Variants in ADGRV1 observed in about 807,000 individuals in gnomAD.
ADGRV1 encodes adhesion G protein-coupled receptor V1.
In ADGRV1, 359 loss-of-function variants were observed where a neutral mutation model predicts 596.2. That is an observed-to-expected ratio of 0.60 (90% CI 0.55 to 0.66). The LOEUF (loss-of-function observed/expected upper bound fraction) is 0.66, where lower values mean the gene tolerates loss of function less well. Ranked by LOEUF, ADGRV1 falls within the 30% of genes least tolerant of loss-of-function variation. ADGRV1 has a pLI of 0.00. For missense variants in ADGRV1, 7,274 were observed against 7,575.6 expected (o/e 0.96, Z 1.48); for synonymous variants, 2,681 against 2,679.2 (o/e 1.00, Z -0.02).
intron 87 of ADGRV1, among the ~76,000 whole-genome samples, chr5:91,146,576 T>C (rs1406423420): frequency 6.6e-6 from 1 of 152,208 alleles, no homozygotes; most frequent in Non-Finnish European, 1.5e-5. Flanking sequence ...AGTGATTCTA[T>C]TTTCAAATGA....
chr5:90,784,308 A>G (rs1270458643), intron 67 of ADGRV1, among the ~76,000 whole-genome samples: 1 of 152,210 alleles, frequency 6.6e-6, no homozygotes, highest in African/African-American at 2.4e-5. Flanking sequence ...CATTAATTCA[A>G]CAAGTATTTG....
intron 86 of ADGRV1, among the ~76,000 whole-genome samples, chr5:91,081,031 C>T (rs553575699): frequency 2.5e-4 from 38 of 152,228 alleles, no homozygotes; most frequent in South Asian, 2.3e-3. Context: ...ACTGGGTGTC[C>T]TAAACAACAG....
At chr5:91,031,547 A>T (rs542688000) in intron 85 of ADGRV1, among the ~76,000 whole-genome samples, 1 of 152,324 alleles carries the variant, frequency 6.6e-6, no homozygotes, top group Admixed American at 6.5e-5. Flanking sequence ...ACCAGCTACT[A>T]GTGATTAAGA....
chr5:91,014,133 T>G (rs1022874219), intron 85 of ADGRV1, among the ~76,000 whole-genome samples: 1 of 21,838 alleles, frequency 4.6e-5, no homozygotes, highest in African/African-American at 2.8e-4. Flanking sequence ...CCATTCACAA[T>G]TGCCACACAC....
At chr5:90,676,442 C>A (rs1460120571) in intron 25 of ADGRV1, among the ~76,000 whole-genome samples, 1 of 151,956 alleles carries the variant, frequency 6.6e-6, no homozygotes, top group Non-Finnish European at 1.5e-5. Context: ...GATTGATAAT[C>A]CCTTTCTTGG....
chr5:90,679,992 A>G (rs1580710913), intron 26 of ADGRV1, among the ~76,000 whole-genome samples: 1 of 152,216 alleles, frequency 6.6e-6, no homozygotes, highest in Non-Finnish European at 1.5e-5. Flanking sequence ...AGAGGTCAAT[A>G]GAAAATTTGT....
intron 1 of ADGRV1, among the ~76,000 whole-genome samples, chr5:90,591,881 A>G (rs1025020690): frequency 1.3e-5 from 2 of 152,130 alleles, no homozygotes; most frequent in East Asian, 1.9e-4. Flanking sequence ...CCTCACAACT[A>G]CTCTTTGAGG....
At chr5:90,868,603 C>A (rs528668277) in intron 83 of ADGRV1, among the ~76,000 whole-genome samples, 8 of 150,642 alleles carry the variant, frequency 5.3e-5, no homozygotes, top group African/African-American at 1.9e-4. Context: ...TACCAAGATC[C>A]TGTAGGTGCC....
At chr5:90,890,094 T>C (rs541167799) in intron 83 of ADGRV1, among the ~76,000 whole-genome samples, 3 of 152,290 alleles carry the variant, frequency 2.0e-5, no homozygotes, top group African/African-American at 7.2e-5. Flanking sequence ...ATCCCTTTCT[T>C]TGTTTGATTC....
intron 87 of ADGRV1, among the ~76,000 whole-genome samples, chr5:91,147,776 G>A (rs4331933): frequency 0.61 from 93,236 of 152,078 alleles, 32,064 homozygotes; most frequent in Non-Finnish European, 0.76. Flanking sequence ...CCAAAAATGT[G>A]GAAGCGCCGT....
At chr5:90,582,158 A>G (rs1197853986) in intron 1 of ADGRV1, among the ~76,000 whole-genome samples, 1 of 141,464 alleles carries the variant, frequency 7.1e-6, no homozygotes, top group Non-Finnish European at 1.5e-5. Flanking sequence ...GAGAAGATGT[A>G]TATTCTGTGG....
intron 17 of ADGRV1, among the ~76,000 whole-genome samples, chr5:90,650,066 T>C (rs374976742): frequency 7.0e-4 from 76 of 108,782 alleles, no homozygotes; most frequent in African/African-American, 2.5e-3. Flanking sequence ...AATACATCCT[T>C]TCTTAGCTCT....
At chr5:91,113,266 A>G (rs1037532118) in intron 87 of ADGRV1, among the ~76,000 whole-genome samples, 3 of 152,168 alleles carry the variant, frequency 2.0e-5, no homozygotes, top group Non-Finnish European at 2.9e-5. Flanking sequence ...GGGGACTGCA[A>G]AAGAACTGGA....
chr5:91,020,265 G>A (rs960730981), intron 85 of ADGRV1, among the ~76,000 whole-genome samples: 1 of 151,966 alleles, frequency 6.6e-6, no homozygotes, highest in African/African-American at 2.4e-5. Context: ...AATCTAACAT[G>A]TGTCCGGTTC....
Position 90,610,174 on chromosome 5 carries a change from C to G in ADGRV1, c.23-4661C>G, listed in dbSNP as rs1762569160. Among the ~76,000 whole-genome samples the G allele has an allele frequency of 3.9e-5, 6 of 151,900 alleles. No homozygotes were observed. The South Asian group carries it at 1.2e-3, about 31-fold the overall frequency. On this transcript the variant is annotated intron_variant, in intron 1 of 89. Coordinates refer to ENST00000405460, the MANE Select transcript of ADGRV1 (RefSeq NM_032119.4). ...TTTGAGTCAAGATGGGAGGAAGGTA[C>G]TGTCCTAGATAAACAGGATTTAGAA... is the stretch of plus-strand genomic sequence containing the variant.
chr5:91,021,034 T>G (rs1783591421), intron 85 of ADGRV1, among the ~76,000 whole-genome samples: 2 of 152,090 alleles, frequency 1.3e-5, no homozygotes, highest in Admixed American at 1.3e-4. Context: ...TCTTAAGGCC[T>G]TTTTATATGT....
At position 90,692,689 on chromosome 5, in the gene ADGRV1, G is replaced by C. The variant is rs1746637792; in HGVS notation, c.7036G>C (p.Asp2346His). Reference sequence around the variant, plus strand: ...TGCAAATATTATTATTCCTGCCAATGATGATCCTTATGGTACAGTAGCCTT... The same window carrying C: ...TGCAAATATTATTATTCCTGCCAATCATGATCCTTATGGTACAGTAGCCTT... ...RIANIIIPAN[D>H]DPYGTVAFAQ... Residue 2346 changes from aspartate (D) to histidine (H), a missense_variant, in exon 32 of 90, where the codon GAT becomes CAT. Around this residue, in one of 5 missense-constraint regions of ADGRV1, gnomAD observed 3,643 missense variants for 3,809.2 expected, o/e 0.96. Coordinates refer to ENST00000405460, the MANE Select transcript of ADGRV1 (RefSeq NM_032119.4). 2 of 1,610,826 alleles carry C rather than the reference G, an allele frequency of 1.2e-6. No homozygotes were observed. Among genetic ancestry groups the C allele is most frequent in the Non-Finnish European group, 1.7e-6 (2 of 1,178,532 alleles).
At chr5:90,934,828 G>A (rs1775544720) in intron 83 of ADGRV1, among the ~76,000 whole-genome samples, 1 of 152,144 alleles carries the variant, frequency 6.6e-6, no homozygotes, top group Admixed American at 6.5e-5. Flanking sequence ...TGGCTTTTAG[G>A]TGGCCTCTAG....
intron 1 of ADGRV1, among the ~76,000 whole-genome samples, chr5:90,585,220 T>C (rs879336787): frequency 2.0e-5 from 3 of 152,194 alleles, no homozygotes; most frequent in Non-Finnish European, 4.4e-5. Flanking sequence ...CTCACTTACA[T>C]TGAGTGTATA....
Sources: allele counts gnomAD v4.1 joint callset (sites outside exome capture counted in the v4.1 genomes callset), GRCh38; gene constraint gnomAD v4.1.1; regional missense constraint gnomAD v4.1.1; transcripts MANE v1.5; gene names NCBI Gene and HGNC (gene_info 2026-07-23, HGNC 2026-07-21).